The following CLDN14 variants were observed in gnomAD, a reference collection of about 807,000 sequenced individuals.
The protein encoded by CLDN14 is claudin 14.
A neutral mutation model predicts 2.1 loss-of-function variants in CLDN14; 2 were observed. The observed-to-expected ratio is 0.96, with a 90% CI of 0.39 to 3.01. The LOEUF is 3.01. Ranked by LOEUF, CLDN14 falls within the 30% of genes most tolerant of loss-of-function variation. CLDN14 has a pLI of 0.09. For missense variants in CLDN14, 298 were observed against 328.0 expected (o/e 0.91, Z 0.71); for synonymous variants, 136 against 154.4 (o/e 0.88, Z 0.88).
rs539162967 is a variant in CLDN14, at chr21:36,516,399, C to T, written c.-219-5899G>A. 2.0e-5 allele frequency among the ~76,000 whole-genome samples: 3 copies of T among 152,266 alleles called. No individual in the cohort carries two copies. In the South Asian group the frequency reaches 6.2e-4, roughly 32 times the overall value. The stretch of plus-strand genomic sequence containing the variant: ...TTGTTATGAATAAGAATACAAGCGA[C>T]CGTTAGATATTGTCCATGGTTCTGC... On this transcript the variant is annotated intron_variant, in intron 1 of 2. Coordinates refer to the CLDN14 transcript ENST00000342108.
At chr21:36,476,521 C>G (rs2086782057) in intron 1 of CLDN14, among the ~76,000 whole-genome samples, 1 of 151,420 alleles carries the variant, frequency 6.6e-6, no homozygotes, top group Non-Finnish European at 1.5e-5. Context: ...GGTGCGATCT[C>G]AGCTCACTGC....
intron 2 of CLDN14, among the ~76,000 whole-genome samples, chr21:36,509,253 C>A (rs537078299): frequency 6.6e-6 from 1 of 152,314 alleles, no homozygotes; most frequent in South Asian, 2.1e-4. Flanking sequence ...CGGTGTCCGC[C>A]ATCTTGGGAG....
chr21:36,557,573 T>A (rs554908664), intron 1 of CLDN14, among the ~76,000 whole-genome samples: 1 of 152,350 alleles, frequency 6.6e-6, no homozygotes, highest in Admixed American at 6.5e-5. Flanking sequence ...GTTGGCCATT[T>A]GTAAATCTTC....
Position 36,491,375 on chromosome 21 carries a change from G to A in CLDN14, c.-82+18988C>T, listed in dbSNP as rs748819439. Among the ~76,000 whole-genome samples, 29 of 152,142 alleles carry A rather than the reference G, an allele frequency of 1.9e-4. 1 individual carries two copies. The highest frequency in any genetic ancestry group is 4.0e-4 in the Non-Finnish European group (27 of 68,026). On this transcript the variant is annotated intron_variant, in intron 2 of 2. Coordinates refer to the CLDN14 transcript ENST00000342108. The stretch of plus-strand genomic sequence containing the variant: ...TAAAGGGGTTACCAGAAAACAAGAA[G>A]CAACACACAAAGCTTTCAAAAGCGA...
chr21:36,506,070 C>T (rs181301230), intron 2 of CLDN14, among the ~76,000 whole-genome samples: 6 of 152,296 alleles, frequency 3.9e-5, no homozygotes, highest in Non-Finnish European at 5.9e-5. Flanking sequence ...ATAAATAATA[C>T]AGGATTCAAT....
intron 1 of CLDN14, among the ~76,000 whole-genome samples, chr21:36,548,627 G>A (rs1273719243): frequency 2.0e-5 from 3 of 152,144 alleles, no homozygotes; most frequent in Admixed American, 1.3e-4. Context: ...TGCGTGGATG[G>A]TTACCCTGAC....
At chr21:36,557,700 C>T (rs779018916) in intron 1 of CLDN14, among the ~76,000 whole-genome samples, 23 of 152,156 alleles carry the variant, frequency 1.5e-4, no homozygotes, top group Non-Finnish European at 1.5e-5. Flanking sequence ...CCATCAGATA[C>T]ATTATTTGCA....
chr21:36,483,904 A>G (rs1360469646), upstream of CLDN14, among the ~76,000 whole-genome samples: 2 of 152,162 alleles, frequency 1.3e-5, no homozygotes, highest in Admixed American at 6.5e-5. Flanking sequence ...GAAGCCAAGA[A>G]CTAGGCCAAT....
At chr21:36,506,546 G>A (rs961709819) in intron 2 of CLDN14, among the ~76,000 whole-genome samples, 11 of 150,894 alleles carry the variant, frequency 7.3e-5, no homozygotes, top group Admixed American at 4.0e-4. Context: ...GCAGTGAGCC[G>A]AGATCGGGCC....
chr21:36,549,345 C>A (rs902003536), intron 1 of CLDN14, among the ~76,000 whole-genome samples: 1 of 151,674 alleles, frequency 6.6e-6, no homozygotes, highest in Non-Finnish European at 1.5e-5. Flanking sequence ...TCGCTGAAGC[C>A]AAAAGTGGTA....
intron 1 of CLDN14, among the ~76,000 whole-genome samples, chr21:36,523,904 G>A (rs2087300290): frequency 6.6e-6 from 1 of 152,052 alleles, no homozygotes; most frequent in South Asian, 2.1e-4. Flanking sequence ...CCCACTCCGA[G>A]ATGCTCCAGC....
chr21:36,533,137 G>A (rs1030800407), intron 1 of CLDN14, among the ~76,000 whole-genome samples: 7 of 152,256 alleles, frequency 4.6e-5, no homozygotes, highest in South Asian at 2.1e-4. Flanking sequence ...CGGTGGGGCC[G>A]GTCGGTAATG....
chr21:36,492,498 G>A (rs965922334), intron 2 of CLDN14, among the ~76,000 whole-genome samples: 13 of 149,772 alleles, frequency 8.7e-5, no homozygotes, highest in East Asian at 3.9e-4. Context: ...GCATGGTGGC[G>A]AGCACCTGTA....
intron 1 of CLDN14, among the ~76,000 whole-genome samples, chr21:36,474,823 C>G (rs1056231642): frequency 1.3e-5 from 2 of 152,116 alleles, no homozygotes; most frequent in Admixed American, 6.6e-5. Flanking sequence ...ATGGAGAGAC[C>G]AGCTCTGACC....
At chr21:36,515,170 C>T (rs534651484) in intron 1 of CLDN14, among the ~76,000 whole-genome samples, 2 of 152,270 alleles carry the variant, frequency 1.3e-5, no homozygotes, top group South Asian at 4.1e-4. Context: ...AAATTTAGTA[C>T]AGAACTATTA....
chr21:36,517,297 C>T (rs1331624163), intron 1 of CLDN14, among the ~76,000 whole-genome samples: 1 of 152,220 alleles, frequency 6.6e-6, no homozygotes, highest in Non-Finnish European at 1.5e-5. Flanking sequence ...TTCATCCTAC[C>T]ACTATAGTGC....
chr21:36,521,344 A>G (rs1265649677), intron 1 of CLDN14, among the ~76,000 whole-genome samples: 5 of 152,244 alleles, frequency 3.3e-5, no homozygotes, highest in African/African-American at 1.2e-4. Flanking sequence ...GAGTAAAGCT[A>G]GGGCATGAAT....
chr21:36,523,745 CT>C, intron 1 of CLDN14, among the ~76,000 whole-genome samples: 1 of 22,490 alleles, frequency 4.4e-5, no homozygotes, highest in Non-Finnish European at 1.2e-4. Context: ...GAGACTCCAT[CT>C]AAAAAAAAAA....
At chr21:36,527,794 C>CT (rs1266330733) in intron 1 of CLDN14, among the ~76,000 whole-genome samples, 15 of 149,364 alleles carry the variant, frequency 1.0e-4, no homozygotes, top group South Asian at 2.1e-4. Context: ...TAATTTCTTT[C>CT]TTTTTTTTTT....
Sources: gnomAD v4.1 joint callset for allele counts (sites outside exome capture counted in the v4.1 genomes callset) on GRCh38, gnomAD v4.1.1 for gene constraint, MANE v1.5 for transcripts, NCBI Gene and HGNC (gene_info 2026-07-23, HGNC 2026-07-21) for gene names.